The following PCED1B variants were observed in gnomAD, a reference collection of about 807,000 sequenced individuals.
PCED1B encodes the protein PC-esterase domain containing 1B, also known as PC-esterase domain-containing protein 1B.
For missense variants in PCED1B, 573 were observed against 573.9 expected (o/e 1.00, Z 0.02); for synonymous variants, 251 against 246.1 (o/e 1.02, Z -0.19).
intron 1 of PCED1B, among the ~76,000 whole-genome samples, chr12:47,096,278 C>T (rs1938482249): frequency 6.6e-6 from 1 of 152,088 alleles, no homozygotes; most frequent in African/African-American, 2.4e-5. Context: ...TTATATTACA[C>T]ATTAGCTAAA....
Position 47,236,175 on chromosome 12 carries a change from A to G in PCED1B, c.1112A>G (p.Asp371Gly). ...SSAHAGFFVE[D>G]NFMVGPQLPM... ...GCCCATGCAGGTTTCTTCGTCGAAG[A>G]CAATTTTATGGTTGGTCCTCAGCTG... Residue 371 changes from aspartate to glycine, a missense_variant, in exon 4 of 4, where the codon GAC becomes GGC. Physicochemically the swap from Asp to Gly is moderately conservative, Grantham distance 94. Transcript: ENST00000546455. 9.3e-6 allele frequency: 15 copies of G among 1,614,066 alleles called. No individual in the cohort carries two copies. The highest frequency in any genetic ancestry group is 1.3e-5 in the Non-Finnish European group (15 of 1,180,008).
chr12:47,159,713 T>G (rs1941308731), intron 2 of PCED1B, among the ~76,000 whole-genome samples: 1 of 152,218 alleles, frequency 6.6e-6, no homozygotes, highest in African/African-American at 2.4e-5. Flanking sequence ...GATTGTTTCC[T>G]TTGCTGTACA....
intron 3 of PCED1B, among the ~76,000 whole-genome samples, chr12:47,221,945 T>A (rs1342962179): frequency 2.0e-5 from 3 of 151,206 alleles, no homozygotes; most frequent in Non-Finnish European, 4.4e-5. Flanking sequence ...CCACAAAAAA[T>A]TTTAAAAAAT....
intron 3 of PCED1B, among the ~76,000 whole-genome samples, chr12:47,217,468 A>C (rs9668604): frequency 4.7e-5 from 2 of 42,332 alleles, no homozygotes; most frequent in Non-Finnish European, 9.2e-5. Flanking sequence ...AAAAGAAAGA[A>C]AGAGAAAGAA....
intron 2 of PCED1B, among the ~76,000 whole-genome samples, chr12:47,111,891 G>A (rs1051695992): frequency 6.6e-6 from 1 of 152,148 alleles, no homozygotes; most frequent in African/African-American, 2.4e-5. Flanking sequence ...CATCTTTGAA[G>A]GAATTCAGTA....
intron 3 of PCED1B, among the ~76,000 whole-genome samples, chr12:47,233,209 A>G (rs1207451153): frequency 2.0e-5 from 3 of 150,918 alleles, no homozygotes; most frequent in Non-Finnish European, 4.4e-5. Flanking sequence ...GCCCACCACA[A>G]TTTTTGGCAC....
chr12:47,221,338 CT>C (rs63059763), intron 3 of PCED1B, among the ~76,000 whole-genome samples: 188 of 108,906 alleles, frequency 1.7e-3, no homozygotes, highest in South Asian at 5.4e-3. Context: ...CATCAAAATT[CT>C]TTTTTTTTTT....
chr12:47,096,127 C>T (rs890699498), intron 1 of PCED1B, among the ~76,000 whole-genome samples: 1 of 152,116 alleles, frequency 6.6e-6, no homozygotes, highest in Admixed American at 6.5e-5. Context: ...TCTAAGCATT[C>T]CTGAGCACTA....
chr12:47,235,197 C>T lies in PCED1B; in HGVS notation c.134C>T (p.Pro45Leu). 2 of 1,602,096 alleles carry T rather than the reference C, an allele frequency of 1.2e-6. No individual in the cohort carries two copies. The highest frequency in any genetic ancestry group is 1.7e-6 in the Non-Finnish European group (2 of 1,173,626). The change falls in exon 4 of 4, where the codon CCC (proline) becomes CTC (leucine). Residue 45 changes from proline (P) to leucine (L), a missense_variant. Physicochemically the swap from Pro to Leu is moderately conservative, Grantham distance 98. Transcript: ENST00000546455. ...CTGCAGAAGGACCGCCTGCTCACTCCCGGGCAGCTTAGAGCAAGGGGGGAG... is the reference window on the plus strand; with the variant it reads ...CTGCAGAAGGACCGCCTGCTCACTCTCGGGCAGCTTAGAGCAAGGGGGGAG... ...LLLQKDRLLT[P>L]GQLRARGELN...
intron 2 of PCED1B, among the ~76,000 whole-genome samples, chr12:47,167,625 G>A (rs1592228537): frequency 6.6e-6 from 1 of 152,186 alleles, no homozygotes; most frequent in Non-Finnish European, 1.5e-5. Flanking sequence ...TGAAGTGAGT[G>A]TCATAAATAG....
At chr12:47,222,722 G>A (rs572428833) in intron 3 of PCED1B, among the ~76,000 whole-genome samples, 2 of 152,312 alleles carry the variant, frequency 1.3e-5, no homozygotes, top group Admixed American at 6.5e-5. Flanking sequence ...TCAGGGCAGA[G>A]GGGTTGCTTA....
intron 2 of PCED1B, among the ~76,000 whole-genome samples, chr12:47,164,292 A>G (rs978672796): frequency 6.6e-6 from 1 of 152,174 alleles, no homozygotes; most frequent in Non-Finnish European, 1.5e-5. Flanking sequence ...TTTAAAACTT[A>G]TTTACTTTCA....
intron 1 of PCED1B, among the ~76,000 whole-genome samples, chr12:47,089,461 CATATATATATAT>C (rs1217283440): frequency 2.2e-4 from 14 of 63,414 alleles, no homozygotes; most frequent in African/African-American, 6.1e-4. Flanking sequence ...AAAAAAAATA[CATATATATATAT>C]ATATATATAT....
At chr12:47,186,555 G>A (rs1942275221) in intron 2 of PCED1B, among the ~76,000 whole-genome samples, 1 of 151,946 alleles carries the variant, frequency 6.6e-6, no homozygotes, top group Admixed American at 6.6e-5. Context: ...TCTCATCCTG[G>A]GTCTGCTTTT....
chr12:47,184,676 A>G (rs1592252397), intron 2 of PCED1B, among the ~76,000 whole-genome samples: 1 of 152,236 alleles, frequency 6.6e-6, no homozygotes, highest in East Asian at 1.9e-4. Flanking sequence ...AAAAAAAAAA[A>G]AAAATTACAA....
chr12:47,126,188 G>A (rs893644954), intron 2 of PCED1B, among the ~76,000 whole-genome samples: 22 of 151,914 alleles, frequency 1.4e-4, no homozygotes, highest in African/African-American at 4.6e-4. Context: ...GGACTTTCCC[G>A]TCTATTCCTA....
chr12:47,199,258 A>G (rs1314579819), intron 2 of PCED1B, among the ~76,000 whole-genome samples: 1 of 152,244 alleles, frequency 6.6e-6, no homozygotes, highest in Non-Finnish European at 1.5e-5. Flanking sequence ...TAAATAAATG[A>G]AGAGGTATTT....
chr12:47,170,251 T>C (rs1433294933), intron 2 of PCED1B, among the ~76,000 whole-genome samples: 1 of 152,166 alleles, frequency 6.6e-6, no homozygotes, highest in African/African-American at 2.4e-5. Flanking sequence ...GGCAGAAGAA[T>C]TTTTCTTAGT....
chr12:47,217,586 TG>T (rs1345492198), intron 3 of PCED1B, among the ~76,000 whole-genome samples: 5 of 152,122 alleles, frequency 3.3e-5, no homozygotes, highest in African/African-American at 4.8e-5. Flanking sequence ...TTTTTGTTTT[TG>T]TTTTTTTGTG....
Sources: gnomAD v4.1 joint callset for allele counts (sites outside exome capture counted in the v4.1 genomes callset) on GRCh38, gnomAD v4.1.1 for gene constraint, MANE v1.5 for transcripts, NCBI Gene and HGNC (gene_info 2026-07-23, HGNC 2026-07-21) for gene names.